Variants in CCDC18 observed in about 807,000 individuals in gnomAD.
CCDC18 encodes coiled-coil domain containing 18.
A neutral mutation model predicts 196.0 loss-of-function variants in CCDC18; 157 were observed. The ratio of observed to expected loss-of-function variants is 0.80; its 90% CI spans 0.70 to 0.91. The LOEUF is 0.91. Among genes scored for constraint, CCDC18 ranks in the 40% least tolerant of loss-of-function variants. The pLI is 0.00. For missense variants in CCDC18, 1,465 were observed against 1,611.6 expected (o/e 0.91, Z 1.56); for synonymous variants, 482 against 529.2 (o/e 0.91, Z 1.22).
chr1:93,259,341 G>A (rs988108581), intron 26 of CCDC18, among the ~76,000 whole-genome samples: 3 of 152,142 alleles, frequency 2.0e-5, no homozygotes, highest in African/African-American at 4.8e-5. Context: ...CTTAGCTAGA[G>A]AGATAATACT....
chr1:93,244,666 C>T (rs72717352), intron 21 of CCDC18, among the ~76,000 whole-genome samples: 13,407 of 152,154 alleles, frequency 0.088, 672 homozygotes, highest in African/African-American at 0.13. Flanking sequence ...TATGAATATA[C>T]TTAATGCTTC....
chr1:93,239,570 ATAAG>A, intron 20 of CCDC18, 97 bp downstream of exon 20: 2 of 1,425,680 alleles, frequency 1.4e-6, no homozygotes, highest in Non-Finnish European at 1.9e-6. Flanking sequence ...GGAAGGGAAA[ATAAG>A]TGGTATTTTG....
intron 10 of CCDC18, 49 bp downstream of exon 10, chr1:93,210,975 G>T: frequency 6.3e-7 from 1 of 1,596,354 alleles, no homozygotes; most frequent in Non-Finnish European, 8.6e-7. Context: ...GTTTTTTATT[G>T]GTAATTAAGA....
At chr1:93,232,890 G>A (rs1659461235) in intron 18 of CCDC18, among the ~76,000 whole-genome samples, 1 of 152,168 alleles carries the variant, frequency 6.6e-6, no homozygotes, top group Admixed American at 6.5e-5. Flanking sequence ...AGAATTGCTT[G>A]AACCCAAGAG....
chr1:93,202,471 G>A (rs1280161850), intron 7 of CCDC18, among the ~76,000 whole-genome samples: 1 of 152,094 alleles, frequency 6.6e-6, no homozygotes, highest in Non-Finnish European at 1.5e-5. Context: ...TTATCTTTAA[G>A]TAATATCACA....
At chr1:93,245,788 G>A (rs1447669768) in intron 21 of CCDC18, among the ~76,000 whole-genome samples, 27 of 152,070 alleles carry the variant, frequency 1.8e-4, no homozygotes, top group Admixed American at 1.8e-3. Context: ...AAAAAATGTG[G>A]ATATGTATTT....
At chr1:93,199,066 G>T (rs901483262) in intron 6 of CCDC18, among the ~76,000 whole-genome samples, 1 of 152,214 alleles carries the variant, frequency 6.6e-6, no homozygotes, top group Non-Finnish European at 1.5e-5. Flanking sequence ...AGTAGGAGGG[G>T]CACAATATGC....
chr1:93,225,428 C>T (rs371262931), intron 16 of CCDC18, among the ~76,000 whole-genome samples: 2 of 152,162 alleles, frequency 1.3e-5, no homozygotes, highest in East Asian at 3.8e-4. Context: ...GAAGGTTTCA[C>T]TTCTTTTTTT....
chr1:93,202,312 A>C (rs1653958287), intron 7 of CCDC18, among the ~76,000 whole-genome samples: 1 of 152,230 alleles, frequency 6.6e-6, no homozygotes, highest in Admixed American at 6.5e-5. Flanking sequence ...ACTTCAATGA[A>C]AATGAAGATA....
Position 93,186,433 on chromosome 1 carries a change from T to G in CCDC18, c.392T>G (p.Val131Gly). Reference sequence around the variant, plus strand: ...CTTAGGCAACAGAATGCTTGTTTGGTCACACAGAATCATTCCTTAATGACT... The same window carrying G: ...CTTAGGCAACAGAATGCTTGTTTGGGCACACAGAATCATTCCTTAATGACT... ...NKLRQQNACL[V>G]TQNHSLMTKF... Residue 131 changes from valine to glycine, a missense_variant, in exon 4 of 29, where the codon GTC (valine) becomes GGC (glycine). Physicochemically the swap from Val to Gly is moderately radical, Grantham distance 109 (BLOSUM62 -3). Transcript: ENST00000690025. 1 of 1,611,590 alleles carries G rather than the reference T, an allele frequency of 6.2e-7. No individual in the cohort carries two copies.
At position 93,236,409 on chromosome 1, in the gene CCDC18, T is replaced by G. The variant is rs1323569000; in HGVS notation, c.2603+19T>G. The G allele has an allele frequency of 6.3e-7, 1 of 1,579,752 alleles. No individual in the cohort carries two copies. Among genetic ancestry groups the G allele is most frequent in the African/African-American group, 1.4e-5 (1 of 72,240 alleles). On this transcript the variant is annotated intron_variant, in intron 19 of 28. Transcript: ENST00000690025. ...CTGCCAGGTAAAATGTGAATATGTT[T>G]TATTTACCTTCCCACTTCAATATCA... is the stretch of plus-strand genomic sequence containing the variant.
chr1:93,225,138 T>G (rs1658073767), intron 16 of CCDC18, among the ~76,000 whole-genome samples: 1 of 152,176 alleles, frequency 6.6e-6, no homozygotes, highest in East Asian at 1.9e-4. Context: ...ATCTAAGATT[T>G]CTTTCACTTT....
At position 93,200,331 on chromosome 1, in the gene CCDC18, A is replaced by AT. The variant is rs201906101; in HGVS notation, c.699-1558dup. Among the ~76,000 whole-genome samples, 26 of 98,252 alleles carry AT rather than the reference A, an allele frequency of 2.6e-4. 1 individual carries two copies. The South Asian group carries it at 5.3e-3, about 20-fold the overall frequency. 64.5% of individuals were successfully genotyped at this position (98,252 alleles called of 152,430 possible). On this transcript the variant is annotated intron_variant, in intron 6 of 28. Transcript: ENST00000690025. ...AAACATGGTAAGACTATAGGAGATT[A>AT]TTTAAAAAAAAAAAAAAAGCGAGAA... is the stretch of plus-strand genomic sequence containing the variant.
At chr1:93,197,800 G>A (rs1198415720) in intron 6 of CCDC18, among the ~76,000 whole-genome samples, 3 of 129,638 alleles carry the variant, frequency 2.3e-5, no homozygotes, top group African/African-American at 9.2e-5. Context: ...CGCCCAGGCT[G>A]GAGTGCAGTG....
chr1:93,260,792 C>T (rs549720438), intron 26 of CCDC18, among the ~76,000 whole-genome samples: 4 of 152,102 alleles, frequency 2.6e-5, no homozygotes, highest in South Asian at 2.1e-4. Flanking sequence ...CAACAGGCCC[C>T]GATGTGTGAT....
chr1:93,278,382 C>A, intron 28 of CCDC18, 81 bp from the exon 29 acceptor site: 1 of 521,514 alleles, frequency 1.9e-6, no homozygotes, highest in Non-Finnish European at 3.3e-6. Context: ...AAATTATACT[C>A]CTGTTATTAT....
chr1:93,209,003 G>T (rs1655184975), intron 9 of CCDC18, among the ~76,000 whole-genome samples: 1 of 152,072 alleles, frequency 6.6e-6, no homozygotes, highest in Non-Finnish European at 1.5e-5. Flanking sequence ...TTGTTGCCCA[G>T]GCTGGAGTGC....
At chr1:93,220,055 C>A (rs1657146306) in intron 14 of CCDC18, among the ~76,000 whole-genome samples, 1 of 151,912 alleles carries the variant, frequency 6.6e-6, no homozygotes, top group Admixed American at 6.6e-5. Flanking sequence ...AATAAATTTA[C>A]AAATTTAAAA....
chr1:93,194,713 G>T (rs114238179), intron 6 of CCDC18, among the ~76,000 whole-genome samples: 174 of 152,234 alleles, frequency 1.1e-3, no homozygotes, highest in African/African-American at 4.1e-3. Flanking sequence ...CACTTACTCA[G>T]ATAAGCTTTG....
Sources: gnomAD v4.1 joint callset for allele counts (sites outside exome capture counted in the v4.1 genomes callset) on GRCh38, gnomAD v4.1.1 for gene constraint, MANE v1.5 for transcripts, NCBI Gene and HGNC (gene_info 2026-07-23, HGNC 2026-07-21) for gene names.